The following APOB variants were observed in gnomAD, a reference collection of about 807,000 sequenced individuals.
APOB encodes the protein apolipoprotein B-100.
Under a neutral mutation model 314.1 loss-of-function variants are expected in APOB, and 153 were observed. The ratio of observed to expected loss-of-function variants is 0.49; its 90% CI spans 0.43 to 0.56. The LOEUF is 0.56. APOB is among the 20% of genes least tolerant of loss of function. APOB has a pLI of 0.00. For missense variants in APOB, 5,430 were observed against 5,350.7 expected (o/e 1.01, Z -0.46); for synonymous variants, 2,087 against 2,036.4 (o/e 1.02, Z -0.67).
chr2:21,039,282 G>C (rs1664078366), intron 4 of APOB, among the ~76,000 whole-genome samples: 1 of 152,228 alleles, frequency 6.6e-6, no homozygotes, highest in African/African-American at 2.4e-5. Flanking sequence ...AGTATGATGG[G>C]TAAAAGCAGA....
At chr2:21,041,238 C>T (rs920038238) in intron 3 of APOB, among the ~76,000 whole-genome samples, 155 bp from the exon 4 acceptor site, 1 of 152,238 alleles carries the variant, frequency 6.6e-6, no homozygotes, top group African/African-American at 2.4e-5. Context: ...TATCAACATG[C>T]CTCCTGGGTT....
At chr2:21,043,744 C>CA in intron 1 of APOB, 120 bp downstream of exon 1, 1 of 1,510,422 alleles carries the variant, frequency 6.6e-7, no homozygotes, top group Non-Finnish European at 8.9e-7. Context: ...CCAATCCCCC[C>CA]ACTCGCCCTG....
intron 19 of APOB, 82 bp downstream of exon 19, chr2:21,019,641 G>A: frequency 7.1e-7 from 1 of 1,412,872 alleles, no homozygotes; most frequent in South Asian, 1.2e-5. Context: ...TTACAACACA[G>A]AGTATTTTTT....
Position 21,035,631 on chromosome 2 carries a change from T to C in APOB, c.771A>G (p.Ala257=), listed in dbSNP as rs769450319. Residue 257 remains alanine (A), a synonymous_variant, in exon 7 of 29, where the codon GCA becomes GCG. Coordinates refer to ENST00000233242, the MANE Select transcript of APOB (RefSeq NM_000384.3). ...YTLDAKRKHV[A]EAICKEQHLF... ...GGTGTTGCTCCTTGCAGATGGCTTC[T>C]GCCACATGCTTCCTCTTAGCGTCCA... 2 of 1,614,020 alleles carry C rather than the reference T, an allele frequency of 1.2e-6. No homozygotes were observed. Among genetic ancestry groups the C allele is most frequent in the African/African-American group, 1.3e-5 (1 of 74,946 alleles).
Position 21,001,628 on chromosome 2 carries a change from G to T in APOB, c.*102C>A, listed in dbSNP as rs72654429. 2 of 1,174,650 alleles carry T rather than the reference G, an allele frequency of 1.7e-6. No homozygotes were observed. The highest frequency in any genetic ancestry group is 2.5e-6 in the Non-Finnish European group (2 of 805,060). The allele number at this position is 1,174,650 out of a possible 1,614,324, so 72.8% of individuals were successfully genotyped here. On this transcript the variant is annotated 3_prime_UTR_variant, in exon 29 of 29. Transcript: ENST00000233242. Reference sequence around the variant, plus strand: ...TAGTCTACTGCCTACTGCAAGGCTGGCTCACTGTATGGTTTTATCAATATA... The same window carrying T: ...TAGTCTACTGCCTACTGCAAGGCTGTCTCACTGTATGGTTTTATCAATATA...
intron 28 of APOB, 96 bp downstream of exon 28, chr2:21,004,173 T>A: frequency 1.5e-6 from 2 of 1,354,480 alleles, no homozygotes; most frequent in East Asian, 4.6e-5. Flanking sequence ...TTCACCTAGT[T>A]TGGGGAATCT....
intron 9 of APOB, among the ~76,000 whole-genome samples, chr2:21,032,976 C>G (rs779435967): frequency 1.3e-5 from 2 of 152,196 alleles, no homozygotes; most frequent in African/African-American, 2.4e-5. Flanking sequence ...TCTGAGTTCT[C>G]TCTCCACCAG....
In APOB at chr2:21,012,497, T is replaced by A. The variant is rs201206305; in HGVS notation, c.4371A>T (p.Ala1457=). ...ACATCTGTGGTCCCCAGGAACTAGA[T>A]GCATCGAATATTAGTAAACCTTTTG... The part of the protein sequence containing the change: ...PVSKGLLIFD[A]SSSWGPQMSA... The change falls in exon 26 of 29, where the codon GCA becomes GCT. Residue 1457 remains alanine (A), a synonymous_variant. Transcript: ENST00000233242. The A allele has an allele frequency of 1.5e-5, 24 of 1,614,128 alleles. No individual in the cohort carries two copies. The Admixed American group carries it at 3.3e-4, about 22-fold the overall frequency.
At chr2:21,035,800 T>G (rs1434311448) in intron 6 of APOB, 92 bp from the exon 7 acceptor site, 12 of 1,273,274 alleles carry the variant, frequency 9.4e-6, no homozygotes, top group African/African-American at 1.5e-5. Context: ...GCAGGAGTCC[T>G]GTACCACTAG....
At position 21,027,902 on chromosome 2, in the gene APOB, T is replaced by A. The variant is rs755666654; in HGVS notation, c.1993A>T (p.Asn665Tyr). The A allele has an allele frequency of 1.6e-5, 26 of 1,614,088 alleles. No individual in the cohort carries two copies. Among genetic ancestry groups the A allele is most frequent in the Non-Finnish European group, 2.5e-6 (3 of 1,180,030 alleles). Residue 665 changes from asparagine to tyrosine, a missense_variant, in exon 14 of 29, where the codon AAC (asparagine) becomes TAC (tyrosine). Physicochemically the swap from Asn to Tyr is moderately radical, Grantham distance 143 (BLOSUM62 -2). This residue lies in a region of APOB where 2,085 missense variants were observed against 2,079.7 expected (regional missense o/e 1.00). Coordinates refer to ENST00000233242, the MANE Select transcript of APOB (RefSeq NM_000384.3). ...AGCATGCTTTCTTTAGGAAGGTAGT[T>A]ATTTGGATCAAATATAAGATTCCCT... ...IEGNLIFDPN[N>Y]YLPKESMLKT...
chr2:21,015,276 A>C lies in APOB; in HGVS notation c.3509-16T>G. 1 of 1,614,046 alleles carries C rather than the reference A, an allele frequency of 6.2e-7. No individual in the cohort carries two copies. The highest frequency in any genetic ancestry group is 8.5e-7 in the Non-Finnish European group (1 of 1,179,904). ...TTCTCTTCATCTGAAAATACGTAGG[A>C]AATAGTTGTGAATGGTACTAGTTCA... is the stretch of plus-strand genomic sequence containing the variant. On this transcript the variant is annotated splice_polypyrimidine_tract_variant and intron_variant, in intron 22 of 28. Coordinates refer to ENST00000233242, the MANE Select transcript of APOB (RefSeq NM_000384.3).
chr2:21,024,590 C>T, intron 16 of APOB: 1 of 480,132 alleles, frequency 2.1e-6, no homozygotes, highest in Non-Finnish European at 3.6e-6. Flanking sequence ...TGCACTCCAG[C>T]CTGGGAGCAA....
chr2:21,011,671 G>A lies in APOB; in HGVS notation c.5197C>T (p.Gln1733Ter). ...TCATTTGAGAGCTTAAGTCCTTCTT[G>A]ACTGACCTTGAAGTTGAAAATGTTT... ...SKNIFNFKVS[Q>*]EGLKLSNDMM... is the part of the protein sequence containing the mutation. The change falls in exon 26 of 29, where the codon CAA becomes TAA. Residue 1733 changes from glutamine (Q) to a stop codon, truncating the protein, a stop_gained. Coordinates refer to ENST00000233242, the MANE Select transcript of APOB (RefSeq NM_000384.3). LOFTEE classifies it high-confidence loss of function. 6.2e-7 allele frequency: 1 copy of A among 1,614,138 alleles called. No homozygotes were observed. The highest frequency in any genetic ancestry group is 8.5e-7 in the Non-Finnish European group (1 of 1,180,032).
In APOB at chr2:21,008,756, C is replaced by T. The variant is rs746758433; in HGVS notation, c.8112G>A (p.Ala2704=). ...AACGGAAGTCTGGCAGGGTGATTCTCGCTAGAGGAATGTCCTCCACCTTCA... is the reference window on the plus strand; with the variant it reads ...AACGGAAGTCTGGCAGGGTGATTCTTGCTAGAGGAATGTCCTCCACCTTCA... ...RDLKVEDIPL[A]RITLPDFRLP... is the part of the protein sequence containing the mutation. Residue 2704 remains alanine, a synonymous_variant, in exon 26 of 29, where the codon GCG becomes GCA. Coordinates refer to ENST00000233242, the MANE Select transcript of APOB (RefSeq NM_000384.3). 1.2e-5 allele frequency: 19 copies of T among 1,613,846 alleles called. No individual in the cohort carries two copies. Among genetic ancestry groups the T allele is most frequent in the Admixed American group, 5.0e-5 (3 of 59,956 alleles).
chr2:21,028,043 C>G lies in APOB; in HGVS notation c.1852G>C (p.Ala618Pro). The part of the protein sequence containing the change: ...IQDLKKLVKE[A>P]LKESQLPTVM... ...GTTGGAAGTTGAGATTCTTTCAGAG[C>G]TTCTTTCACTAACTTTTTCAGACTA... The change falls in exon 14 of 29, where the codon GCT (alanine) becomes CCT (proline). Residue 618 changes from alanine to proline, a missense_variant. By Grantham distance (27) the Ala-to-Pro change is conservative (BLOSUM62 -1). This residue lies in a region of APOB where 2,085 missense variants were observed against 2,079.7 expected (regional missense o/e 1.00). Coordinates refer to ENST00000233242, the MANE Select transcript of APOB (RefSeq NM_000384.3). 6.2e-7 allele frequency: 1 copy of G among 1,611,310 alleles called. No individual in the cohort carries two copies.
rs1663093447 is a variant in APOB, at chr2:21,005,203, C to T, written c.11665G>A (p.Val3889Ile). Reference protein sequence around the residue: ...SFQALTARFEVDSPVYNATWS... With the variant: ...SFQALTARFEIDSPVYNATWS... ...GTGGCATTATACACGGGAGAGTCTA[C>T]CTCAAAGCGTGCAGTCAGTGCTTGA... is the stretch of plus-strand genomic sequence containing the variant. Residue 3889 changes from valine (V) to isoleucine (I), a missense_variant, in exon 26 of 29, where the codon GTA (valine) becomes ATA (isoleucine). This residue lies in a region of APOB where 3,281 missense variants were observed against 3,171.0 expected (regional missense o/e 1.03). Transcript: ENST00000233242. 6.2e-7 allele frequency: 1 copy of T among 1,613,864 alleles called. No homozygotes were observed. Among genetic ancestry groups the T allele is most frequent in the Admixed American group, 1.7e-5 (1 of 59,976 alleles).
At position 21,011,011 on chromosome 2, in the gene APOB, G is replaced by C; in HGVS notation, c.5857C>G (p.His1953Asp). The change falls in exon 26 of 29, where the codon CAT (histidine) becomes GAT (aspartate). Residue 1953 changes from histidine (H) to aspartate (D), a missense_variant. By Grantham distance (81) the His-to-Asp change is moderately conservative. Coordinates refer to ENST00000233242, the MANE Select transcript of APOB (RefSeq NM_000384.3). ...SHDYKGSTSHHLVSRKSISAA... is the reference protein window; with the variant it reads ...SHDYKGSTSHDLVSRKSISAA... ...CTGATGCTTTTCCTAGACACGAGAT[G>C]ATGACTTGTGGAGCCTTTGTAATCA... is the stretch of plus-strand genomic sequence containing the variant. 6.2e-7 allele frequency: 1 copy of C among 1,614,162 alleles called. No individual in the cohort carries two copies. Among genetic ancestry groups the C allele is most frequent in the Non-Finnish European group, 8.5e-7 (1 of 1,180,014 alleles).
At chr2:21,040,702 G>A (rs763797439) in intron 4 of APOB, among the ~76,000 whole-genome samples, 2 of 152,138 alleles carry the variant, frequency 1.3e-5, no homozygotes, top group African/African-American at 4.8e-5. Flanking sequence ...ATCTCAAGAA[G>A]TTTAAAGCAT....
rs1217542577 is a variant in APOB at position 21,006,081 on chromosome 2, A to G, written c.10787T>C (p.Met3596Thr). 4 of 1,613,886 alleles carry G rather than the reference A, an allele frequency of 2.5e-6. No homozygotes were observed. The highest frequency in any genetic ancestry group is 3.4e-6 in the Non-Finnish European group (4 of 1,179,948). The stretch of plus-strand genomic sequence containing the variant: ...TGCATGGACCTGAACAAGAGCTGAC[A>G]TTTGCCATGGAGAGAGTTCCAGGGT... ...KATLELSPWQ[M>T]SALVQVHASQ... Residue 3596 changes from methionine to threonine, a missense_variant, in exon 26 of 29, where the codon ATG becomes ACG. By Grantham distance (81) the Met-to-Thr change is moderately conservative. Coordinates refer to ENST00000233242, the MANE Select transcript of APOB (RefSeq NM_000384.3).
Sources: gnomAD v4.1 joint callset for allele counts (sites outside exome capture counted in the v4.1 genomes callset) on GRCh38, gnomAD v4.1.1 for gene constraint, gnomAD v4.1.1 regional missense constraint, MANE v1.5 for transcripts, NCBI Gene and HGNC (gene_info 2026-07-23, HGNC 2026-07-21) for gene names.